The following LRP1B variants were observed in gnomAD, a reference collection of about 807,000 sequenced individuals.
LRP1B encodes low-density lipoprotein receptor-related protein 1B.
In LRP1B, 217 loss-of-function variants were observed where a neutral mutation model predicts 556.6. The observed-to-expected ratio is 0.39, with a 90% CI of 0.35 to 0.44. The LOEUF is 0.44. LRP1B is among the 20% of genes least tolerant of loss of function. LRP1B has a pLI of 1.00. For missense variants in LRP1B, 5,053 were observed against 5,620.8 expected (o/e 0.90, Z 3.23); for synonymous variants, 2,047 against 1,865.8 (o/e 1.10, Z -2.50).
intron 7 of LRP1B, among the ~76,000 whole-genome samples, chr2:141,166,431 G>T (rs909205546): frequency 6.7e-6 from 1 of 148,670 alleles, no homozygotes; most frequent in Admixed American, 6.8e-5. Context: ...TATTTAATGG[G>T]GTACTTGAGA....
intron 3 of LRP1B, among the ~76,000 whole-genome samples, chr2:141,415,232 C>T (rs1175408872): frequency 6.6e-6 from 1 of 152,174 alleles, no homozygotes; most frequent in Admixed American, 6.5e-5. Flanking sequence ...ACAGGATGGT[C>T]TGGATCTCTT....
chr2:142,045,861 C>A (rs1704241495), intron 1 of LRP1B, among the ~76,000 whole-genome samples: 2 of 151,908 alleles, frequency 1.3e-5, no homozygotes, highest in African/African-American at 4.8e-5. Flanking sequence ...AAAGTCCACA[C>A]TCTTGAGGAC....
chr2:140,753,238 T>C, intron 35 of LRP1B, among the ~76,000 whole-genome samples: 1 of 152,222 alleles, frequency 6.6e-6, no homozygotes, highest in East Asian at 1.9e-4. Flanking sequence ...CAGCTGAATT[T>C]GCTATAATTT....
At chr2:141,799,944 A>T (rs982961070) in intron 2 of LRP1B, among the ~76,000 whole-genome samples, 5 of 152,134 alleles carry the variant, frequency 3.3e-5, no homozygotes, top group African/African-American at 1.2e-4. Flanking sequence ...TATATAAATT[A>T]TACATTTATT....
chr2:140,874,346 T>G (rs1693236623), intron 25 of LRP1B, among the ~76,000 whole-genome samples: 1 of 152,186 alleles, frequency 6.6e-6, no homozygotes, highest in South Asian at 2.1e-4. Context: ...TCTCCCCTTT[T>G]AAAGGGAGCA....
chr2:141,510,215 C>CACAT (rs1684073790), intron 2 of LRP1B, among the ~76,000 whole-genome samples: 1 of 150,594 alleles, frequency 6.6e-6, no homozygotes, highest in African/African-American at 2.4e-5. Flanking sequence ...CACACACACA[C>CACAT]ACACACACAC....
chr2:141,743,486 C>CTTTTTTTTTTTTTTTTTT (rs765968445), intron 2 of LRP1B, among the ~76,000 whole-genome samples: 2 of 108,034 alleles, frequency 1.9e-5, no homozygotes, highest in African/African-American at 3.9e-5. Context: ...CTGCTTTTTT[C>CTTTTTTTTTTTTTTTTTT]TTTTTTTTTT....
intron 35 of LRP1B, among the ~76,000 whole-genome samples, chr2:140,740,330 G>A (rs888865365): frequency 2.6e-5 from 4 of 152,160 alleles, no homozygotes; most frequent in Non-Finnish European, 4.4e-5. Flanking sequence ...ATACTACTCC[G>A]CCATAAAAAG....
rs1321459233 is a variant in LRP1B at position 140,917,214 on chromosome 2, G to C, written c.3319+5751C>G. Among the ~76,000 whole-genome samples, 2 of 152,146 alleles carry C rather than the reference G, an allele frequency of 1.3e-5. 1 individual carries two copies. The highest frequency in any genetic ancestry group is 3.9e-4 in the East Asian group (2 of 5,194). ...AACACTAAAGGTGTTCAAGGATATA[G>C]AGCAGCAGAAATTTTCATTCATCTC... On this transcript the variant is annotated intron_variant, in intron 21 of 90. Transcript: ENST00000389484.
At chr2:140,747,386 T>C (rs1339810359) in intron 35 of LRP1B, among the ~76,000 whole-genome samples, 38 of 152,196 alleles carry the variant, frequency 2.5e-4, no homozygotes, top group African/African-American at 7.2e-5. Flanking sequence ...GCGGATTCAA[T>C]GTAGCTGAAC....
chr2:141,474,788 A>G (rs1189603526), intron 3 of LRP1B, among the ~76,000 whole-genome samples: 5 of 152,242 alleles, frequency 3.3e-5, no homozygotes, highest in African/African-American at 9.6e-5. Context: ...ATAAGAAAAG[A>G]TGAGTATGTG....
At chr2:140,874,926 G>A (rs1693258149) in intron 25 of LRP1B, among the ~76,000 whole-genome samples, 1 of 151,914 alleles carries the variant, frequency 6.6e-6, no homozygotes, top group Non-Finnish European at 1.5e-5. Context: ...GGCTGAGGCG[G>A]GAGAATTGCT....
rs550247393 is a variant in LRP1B at position 141,505,529 on chromosome 2, A to G, written c.206-24996T>C. ...ACAATGAAGCTGTGGACTGAAATCT[A>G]TGAATTGAAAAATATTGCAATAGAC... On this transcript the variant is annotated intron_variant, in intron 2 of 90. Coordinates refer to ENST00000389484, the MANE Select transcript of LRP1B (RefSeq NM_018557.3). 1.5e-4 allele frequency among the ~76,000 whole-genome samples: 23 copies of G among 152,080 alleles called. 1 individual carries two copies. The highest frequency in any genetic ancestry group is 1.3e-3 in the Admixed American group (20 of 15,252).
chr2:141,392,016 G>A (rs139801513), intron 3 of LRP1B, among the ~76,000 whole-genome samples: 1,813 of 152,206 alleles, frequency 0.012, 24 homozygotes, highest in Middle Eastern at 0.02. Flanking sequence ...GGAGGGGATG[G>A]AGCATATGTT....
intron 2 of LRP1B, among the ~76,000 whole-genome samples, chr2:141,480,930 C>G (rs1369110234): frequency 6.6e-6 from 1 of 152,076 alleles, no homozygotes; most frequent in East Asian, 1.9e-4. Context: ...CCGCAGATCT[C>G]TTGTTAGAAT....
intron 2 of LRP1B, among the ~76,000 whole-genome samples, chr2:141,522,905 AT>A (rs1684574709): frequency 6.6e-6 from 1 of 152,168 alleles, no homozygotes; most frequent in African/African-American, 2.4e-5. Context: ...ACCTCTTGTC[AT>A]CAATGAACTA....
intron 1 of LRP1B, among the ~76,000 whole-genome samples, chr2:141,938,918 C>T (rs754179562): frequency 1.3e-5 from 2 of 151,952 alleles, no homozygotes; most frequent in African/African-American, 2.4e-5. Context: ...TACTGAATGA[C>T]CTCACTTATA....
intron 31 of LRP1B, among the ~76,000 whole-genome samples, chr2:140,836,692 C>A (rs1047046268): frequency 1.3e-5 from 2 of 151,984 alleles, no homozygotes; most frequent in African/African-American, 4.8e-5. Flanking sequence ...CTGGGGCAGA[C>A]AGAGATGTGA....
chr2:141,073,327 G>A (rs2105486989), intron 7 of LRP1B, among the ~76,000 whole-genome samples: 1 of 152,034 alleles, frequency 6.6e-6, no homozygotes, highest in South Asian at 2.1e-4. Flanking sequence ...GTGGCATCAG[G>A]CCAAATTCAT....
Sources: gnomAD v4.1 joint callset for allele counts (sites outside exome capture counted in the v4.1 genomes callset) on GRCh38, gnomAD v4.1.1 for gene constraint, MANE v1.5 for transcripts, NCBI Gene and HGNC (gene_info 2026-07-23, HGNC 2026-07-21) for gene names.